Variants in SEC23IP observed in about 807,000 individuals in gnomAD.
SEC23IP encodes the protein SEC23 interacting protein, also known as SEC23-interacting protein.
A neutral mutation model predicts 113.4 loss-of-function variants in SEC23IP; 70 were observed. The ratio of observed to expected loss-of-function variants is 0.62; its 90% CI spans 0.51 to 0.75. The LOEUF (loss-of-function observed/expected upper bound fraction) is 0.75, where lower values mean the gene tolerates loss of function less well. Ranked by LOEUF, SEC23IP falls within the 30% of genes least tolerant of loss-of-function variation. The pLI, the probability that SEC23IP is intolerant of heterozygous loss-of-function variation, is 0.00. For synonymous variants in SEC23IP, 398 were observed against 421.0 expected (o/e 0.95, Z 0.67); for missense variants, 1,160 against 1,204.9 (o/e 0.96, Z 0.55).
intron 9 of SEC23IP, 23 bp from the exon 10 acceptor site, chr10:119,918,370 G>A (rs1361179149): frequency 7.1e-6 from 10 of 1,415,740 alleles, no homozygotes; most frequent in Non-Finnish European, 9.0e-6. Context: ...TACATTATAA[G>A]GCAAAATGTT....
intron 2 of SEC23IP, among the ~76,000 whole-genome samples, chr10:119,901,674 G>A (rs1854503257): frequency 6.6e-6 from 1 of 152,098 alleles, no homozygotes. Context: ...TATCCTTGGG[G>A]ATAACTTTTT....
At position 119,917,867 on chromosome 10, in the gene SEC23IP, G is replaced by C. The variant is rs751766476; in HGVS notation, c.1576G>C (p.Gly526Arg). The change falls in exon 9 of 19, where the codon GGT becomes CGT. Residue 526 changes from glycine to arginine, a missense_variant. Transcript: ENST00000369075. ...NIKKITLPSI[G>R]RFRHFTNETL... The stretch of plus-strand genomic sequence containing the variant: ...TAAGAAAATCACTTTGCCAAGTATT[G>C]GTCGATTTCGTCACTTTACCAATGA... The C allele has an allele frequency of 6.2e-7, 1 of 1,613,736 alleles. No individual in the cohort carries two copies. The highest frequency in any genetic ancestry group is 8.5e-7 in the Non-Finnish European group (1 of 1,179,866).
chr10:119,912,289 C>T, intron 6 of SEC23IP, 125 bp downstream of exon 6: 3 of 997,494 alleles, frequency 3.0e-6, no homozygotes, highest in Non-Finnish European at 4.4e-6. Flanking sequence ...TGCACCACCA[C>T]TCCCAGCTAA....
At chr10:119,920,832 C>T (rs1207033466) in intron 11 of SEC23IP, 57 bp from the exon 12 acceptor site, 34 of 1,167,538 alleles carry the variant, frequency 2.9e-5, no homozygotes, top group Non-Finnish European at 4.2e-5. Context: ...TTCATATTCT[C>T]ATTTCAGTTC....
chr10:119,902,766 G>C, intron 2 of SEC23IP, 33 bp from the exon 3 acceptor site: 1 of 1,576,858 alleles, frequency 6.3e-7, no homozygotes, highest in Non-Finnish European at 8.7e-7. Context: ...TTTTGGACAA[G>C]CATGACAGTC....
Position 119,902,853 on chromosome 10 carries a change from GCTCC to G in SEC23IP, c.755_758del (p.Pro252LeufsTer27). 1.2e-6 allele frequency: 2 copies of G among 1,614,170 alleles called. No individual in the cohort carries two copies. Among genetic ancestry groups the G allele is most frequent in the Non-Finnish European group, 1.7e-6 (2 of 1,180,028 alleles). ...GCAGCAGGTACCTGCCAGACCTGGG[GCTCC>G]CTCTGTTCAAGTGCCATCTCCTTTT... On this transcript the variant is annotated frameshift_variant, in exon 3 of 19. Coordinates refer to ENST00000369075, the MANE Select transcript of SEC23IP (RefSeq NM_007190.4). LOFTEE classifies it high-confidence loss of function.
chr10:119,897,528 C>G (rs1854317999), intron 1 of SEC23IP, among the ~76,000 whole-genome samples: 1 of 152,196 alleles, frequency 6.6e-6, no homozygotes, highest in Admixed American at 6.5e-5. Flanking sequence ...CTTGGGAATA[C>G]AAATACCACG....
chr10:119,936,403 A>C (rs1646873001), intron 18 of SEC23IP, among the ~76,000 whole-genome samples: 1 of 151,932 alleles, frequency 6.6e-6, no homozygotes, highest in African/African-American at 2.4e-5. Flanking sequence ...CTAAAAATAC[A>C]GAAAAATTAG....
In SEC23IP at chr10:119,929,797, C is replaced by T. The variant is rs766617166; in HGVS notation, c.2469+35C>T. 2.5e-5 allele frequency: 36 copies of T among 1,464,180 alleles called. 1 individual carries two copies. The highest frequency in any genetic ancestry group is 7.4e-5 in the South Asian group (6 of 81,512). The allele number at this position is 1,464,180 out of a possible 1,614,324, so 90.7% of individuals were successfully genotyped here. Reference sequence around the variant, plus strand: ...TGAATTTACTTTGTTTTTTAAAATCCTTTTTTCTTTTTTAAACATTTTTTA... The same window carrying T: ...TGAATTTACTTTGTTTTTTAAAATCTTTTTTTCTTTTTTAAACATTTTTTA... On this transcript the variant is annotated intron_variant, in intron 14 of 18. Transcript: ENST00000369075.
chr10:119,922,361 G>T (rs774111917), intron 12 of SEC23IP, among the ~76,000 whole-genome samples: 1 of 152,124 alleles, frequency 6.6e-6, no homozygotes, highest in Non-Finnish European at 1.5e-5. Context: ...TGGAGGCTTG[G>T]ATTTTCTCTT....
intron 13 of SEC23IP, among the ~76,000 whole-genome samples, chr10:119,928,119 T>C (rs1855482116): frequency 6.6e-6 from 1 of 152,218 alleles, no homozygotes; most frequent in Non-Finnish European, 1.5e-5. Context: ...AGTATTTCAT[T>C]TACGTTTCTG....
chr10:119,919,698 AC>A, intron 11 of SEC23IP, 102 bp downstream of exon 11: 1 of 879,014 alleles, frequency 1.1e-6, no homozygotes, highest in Non-Finnish European at 1.6e-6. Context: ...TCCAGAGTAG[AC>A]AAAGACTGAA....
At chr10:119,906,555 G>A (rs1373550786) in intron 4 of SEC23IP, among the ~76,000 whole-genome samples, 1 of 151,864 alleles carries the variant, frequency 6.6e-6, no homozygotes, top group Non-Finnish European at 1.5e-5. Flanking sequence ...TGGATTGAAA[G>A]GGAATATGAA....
At chr10:119,922,456 C>A (rs1288524892) in intron 12 of SEC23IP, among the ~76,000 whole-genome samples, 1 of 152,154 alleles carries the variant, frequency 6.6e-6, no homozygotes, top group Non-Finnish European at 1.5e-5. Context: ...CCTGCTTATT[C>A]TATCACAAGT....
intron 4 of SEC23IP, among the ~76,000 whole-genome samples, chr10:119,904,995 G>A (rs1254932769): frequency 6.6e-6 from 1 of 152,126 alleles, no homozygotes; most frequent in Non-Finnish European, 1.5e-5. Context: ...CTAGCCAGGC[G>A]TGGTGGCACA....
intron 15 of SEC23IP, 112 bp downstream of exon 15, chr10:119,930,543 C>T (rs1855563563): frequency 1.8e-6 from 1 of 563,624 alleles, no homozygotes; most frequent in South Asian, 2.8e-5. Context: ...ATTTAAGTGC[C>T]TACTATGTTC....
At chr10:119,915,200 A>G (rs2134488038) in intron 7 of SEC23IP, among the ~76,000 whole-genome samples, 1 of 152,336 alleles carries the variant, frequency 6.6e-6, no homozygotes, top group Non-Finnish European at 1.5e-5. Context: ...TTTTATTTTT[A>G]TGTCCATGTA....
intron 11 of SEC23IP, among the ~76,000 whole-genome samples, chr10:119,920,072 C>T (rs985384693): frequency 2.0e-5 from 3 of 151,836 alleles, no homozygotes; most frequent in Non-Finnish European, 4.4e-5. Context: ...TTTTAACTTA[C>T]CAGTTTGAAA....
chr10:119,907,388 G>GT (rs1327089974), intron 4 of SEC23IP, among the ~76,000 whole-genome samples: 10 of 151,940 alleles, frequency 6.6e-5, no homozygotes, highest in African/African-American at 9.7e-5. Flanking sequence ...CTATTTTCAC[G>GT]TGATTGTCAA....
Sources: allele counts gnomAD v4.1 joint callset (sites outside exome capture counted in the v4.1 genomes callset), GRCh38; gene constraint gnomAD v4.1.1; transcripts MANE v1.5; gene names NCBI Gene and HGNC (gene_info 2026-07-23, HGNC 2026-07-21).